TFEC: variants seen among roughly 807,000 people sequenced by gnomAD.
The protein encoded by TFEC is class E basic helix-loop-helix protein 34.
A neutral mutation model predicts 41.6 loss-of-function variants in TFEC; 31 were observed. The observed-to-expected ratio is 0.74, with a 90% CI of 0.56 to 1.01. The LOEUF is 1.01. TFEC is among the 50% of genes least tolerant of loss of function. The probability of loss-of-function intolerance (pLI) is 0.00; values close to 1 mark genes in which losing one functional copy is unlikely to be tolerated. For missense variants in TFEC, 402 were observed against 404.1 expected (o/e 0.99, Z 0.04); for synonymous variants, 143 against 140.6 (o/e 1.02, Z -0.12).
chr7:116,146,824 A>G (rs1798650711), intron 1 of TFEC, among the ~76,000 whole-genome samples: 2 of 152,188 alleles, frequency 1.3e-5, no homozygotes, highest in Non-Finnish European at 2.9e-5. Flanking sequence ...CTACAAAATG[A>G]GTTTACCTGA....
At chr7:116,060,745 G>A (rs566053006) in intron 3 of TFEC, among the ~76,000 whole-genome samples, 16 of 152,182 alleles carry the variant, frequency 1.1e-4, no homozygotes, top group African/African-American at 3.9e-4. Flanking sequence ...GAGCAGAAAA[G>A]ATAACTATTG....
At chr7:115,993,545 C>A (rs556786820) in intron 1 of TFEC, among the ~76,000 whole-genome samples, 2 of 152,298 alleles carry the variant, frequency 1.3e-5, no homozygotes, top group South Asian at 4.1e-4. Flanking sequence ...AAATCACAAG[C>A]ATTCTTATAA....
At chr7:115,975,902 G>A (rs12668388) in intron 2 of TFEC, among the ~76,000 whole-genome samples, 87,892 of 151,834 alleles carry the variant, frequency 0.58, 25,614 homozygotes, top group African/African-American at 0.63. Context: ...AGGCAAGAGC[G>A]GTTAGAGATG....
At chr7:115,991,128 C>T (rs1445141915) in intron 1 of TFEC, among the ~76,000 whole-genome samples, 2 of 152,128 alleles carry the variant, frequency 1.3e-5, no homozygotes, top group East Asian at 1.9e-4. Flanking sequence ...TCCAGCCAAA[C>T]TAAGCTTCAT....
intron 1 of TFEC, among the ~76,000 whole-genome samples, chr7:116,141,254 C>G (rs1417910598): frequency 6.6e-6 from 1 of 152,056 alleles, no homozygotes; most frequent in East Asian, 1.9e-4. Flanking sequence ...TTTTAAATAT[C>G]TAGAACTGTG....
chr7:116,002,859 T>C (rs1288229592), intron 1 of TFEC, among the ~76,000 whole-genome samples: 1 of 152,142 alleles, frequency 6.6e-6, no homozygotes, highest in Admixed American at 6.5e-5. Context: ...TAGTTGTAAA[T>C]GTATATTGCA....
intron 1 of TFEC, among the ~76,000 whole-genome samples, chr7:116,021,700 C>T (rs924406881): frequency 2.0e-5 from 3 of 152,162 alleles, no homozygotes; most frequent in Non-Finnish European, 4.4e-5. Context: ...ACCTGACAGG[C>T]AAGCCAGTCA....
intron 1 of TFEC, among the ~76,000 whole-genome samples, chr7:115,996,858 G>T (rs1794389147): frequency 1.3e-5 from 2 of 152,118 alleles, no homozygotes; most frequent in South Asian, 4.1e-4. Flanking sequence ...CTTGTGAAAA[G>T]GAAAAGAAAG....
intron 3 of TFEC, among the ~76,000 whole-genome samples, chr7:116,065,975 T>C (rs1917058): frequency 0.17 from 26,238 of 152,036 alleles, 2,365 homozygotes; most frequent in East Asian, 0.32. Context: ...ATTGAGGTTA[T>C]TGGATTGCCT....
At chr7:116,121,453 G>C (rs1327759179) in intron 1 of TFEC, 1 of 151,886 alleles carries the variant, frequency 6.6e-6, no homozygotes, top group Non-Finnish European at 1.5e-5. Flanking sequence ...TTTCTCTCTG[G>C]GGTGACGAAA....
At chr7:115,965,239 G>A (rs1390807892) in intron 3 of TFEC, among the ~76,000 whole-genome samples, 2 of 151,572 alleles carry the variant, frequency 1.3e-5, no homozygotes, top group Non-Finnish European at 1.5e-5. Context: ...CACGGTAATA[G>A]CTTCTTAAAG....
At position 115,940,690 on chromosome 7, in the gene TFEC, T is replaced by C; in HGVS notation, c.905A>G (p.Gln302Arg). ...LSFSAALKEE[Q>R]RLDGMLLDDT... ...ATCCAATAGCATGCCATCCAATCTT[T>C]GTTCCTCTTTCAATGCAGCACTAAA... Residue 302 changes from glutamine to arginine, a missense_variant, in exon 8 of 8, where the codon CAA (glutamine) becomes CGA (arginine). By Grantham distance (43) the Gln-to-Arg change is conservative (BLOSUM62 1). Transcript: ENST00000265440. 2 of 1,613,604 alleles carry C rather than the reference T, an allele frequency of 1.2e-6. No individual in the cohort carries two copies. Among genetic ancestry groups the C allele is most frequent in the South Asian group, 1.1e-5 (1 of 91,072 alleles).
At chr7:115,988,918 T>C (rs1367705477) in intron 1 of TFEC, among the ~76,000 whole-genome samples, 2 of 152,144 alleles carry the variant, frequency 1.3e-5, no homozygotes, top group East Asian at 3.9e-4. Flanking sequence ...GACTCTTCCT[T>C]ACAAACCATG....
intron 3 of TFEC, among the ~76,000 whole-genome samples, chr7:116,071,559 C>A (rs981825216): frequency 6.6e-6 from 1 of 151,100 alleles, no homozygotes. Context: ...GAAAAATATT[C>A]CTACTTTTTC....
At chr7:116,048,109 G>A (rs1169935423) in intron 3 of TFEC, among the ~76,000 whole-genome samples, 2 of 152,232 alleles carry the variant, frequency 1.3e-5, no homozygotes, top group Non-Finnish European at 2.9e-5. Context: ...CTCCTTGCCA[G>A]CAATGGAACA....
intron 1 of TFEC, among the ~76,000 whole-genome samples, chr7:116,004,705 A>C (rs1203451090): frequency 6.6e-6 from 1 of 152,206 alleles, no homozygotes; most frequent in Admixed American, 6.5e-5. Context: ...AAAATTTTTA[A>C]GAAAAATTAG....
chr7:116,077,835 T>C (rs1389273598), intron 3 of TFEC, among the ~76,000 whole-genome samples: 1 of 152,052 alleles, frequency 6.6e-6, no homozygotes, highest in Admixed American at 6.6e-5. Context: ...AGTGGGGGAC[T>C]TTAATACTCC....
chr7:116,097,513 G>C (rs1475759733), intron 3 of TFEC, among the ~76,000 whole-genome samples: 1 of 152,076 alleles, frequency 6.6e-6, no homozygotes, highest in Non-Finnish European at 1.5e-5. Context: ...GTGTGAGACA[G>C]CAAAAGTTAA....
At chr7:116,147,933 A>G (rs1035010261) in intron 1 of TFEC, among the ~76,000 whole-genome samples, 12 of 152,154 alleles carry the variant, frequency 7.9e-5, no homozygotes, top group African/African-American at 2.9e-4. Flanking sequence ...CAATGGGGGG[A>G]AGAGCCAATA....
Sources: allele counts gnomAD v4.1 joint callset (sites outside exome capture counted in the v4.1 genomes callset), GRCh38; gene constraint gnomAD v4.1.1; transcripts MANE v1.5; gene names NCBI Gene and HGNC (gene_info 2026-07-23, HGNC 2026-07-21).